CPQ: variants seen among roughly 807,000 people sequenced by gnomAD.
CPQ encodes Ser-Met dipeptidase.
Under a neutral mutation model 45.7 loss-of-function variants are expected in CPQ, and 37 were observed. The observed-to-expected ratio is 0.81, with a 90% confidence interval of 0.62 to 1.07. The LOEUF is 1.07. Ranked by LOEUF, CPQ falls within the 50% of genes least tolerant of loss-of-function variation. The pLI, the probability that CPQ is intolerant of heterozygous loss-of-function variation, is 0.00. For synonymous variants in CPQ, 186 were observed against 205.8 expected, an observed-to-expected ratio of 0.90 and a Z score of 0.82; for missense variants, 537 against 572.9, an observed-to-expected ratio of 0.94 and a Z score of 0.64.
At chr8:97,127,424 G>C (rs955980670) in intron 7 of CPQ, among the ~76,000 whole-genome samples, 1 of 152,162 alleles carries the variant, frequency 6.6e-6, no homozygotes, top group African/African-American at 2.4e-5. Flanking sequence ...TTAAGGCTAG[G>C]TGTGGTGGCT....
At chr8:96,700,840 C>A (rs2130745439) in intron 1 of CPQ, among the ~76,000 whole-genome samples, 1 of 152,252 alleles carries the variant, frequency 6.6e-6, no homozygotes, top group East Asian at 1.9e-4. Context: ...CCTGTCTGCT[C>A]CAGGCCTGAC....
chr8:96,791,298 G>A (rs1283842721), intron 2 of CPQ, among the ~76,000 whole-genome samples: 1 of 152,060 alleles, frequency 6.6e-6, no homozygotes, highest in Non-Finnish European at 1.5e-5. Flanking sequence ...ACTATTTTTA[G>A]CCATCTAGCT....
At chr8:96,942,760 A>G (rs1443704981) in intron 4 of CPQ, among the ~76,000 whole-genome samples, 2 of 152,192 alleles carry the variant, frequency 1.3e-5, no homozygotes, top group African/African-American at 4.8e-5. Context: ...CTGATTCACT[A>G]GATCTGGGGC....
chr8:96,867,927 G>A (rs1812016563), intron 3 of CPQ, among the ~76,000 whole-genome samples: 3 of 151,970 alleles, frequency 2.0e-5, no homozygotes, highest in Non-Finnish European at 4.4e-5. Context: ...GTAATCATTA[G>A]CACTGGTTTC....
At chr8:96,765,588 A>G (rs1241233210) in intron 1 of CPQ, among the ~76,000 whole-genome samples, 1 of 152,152 alleles carries the variant, frequency 6.6e-6, no homozygotes, top group Non-Finnish European at 1.5e-5. Context: ...GATGCTGTAA[A>G]GTTCTTGCAT....
intron 7 of CPQ, among the ~76,000 whole-genome samples, chr8:97,123,192 A>AAT (rs1368641373): frequency 5.5e-5 from 7 of 127,942 alleles, no homozygotes; most frequent in African/African-American, 1.1e-4. Context: ...AATAAAATAA[A>AAT]ATAAAATAAA....
chr8:96,696,813 T>C (rs1809390832), intron 1 of CPQ, among the ~76,000 whole-genome samples: 1 of 152,072 alleles, frequency 6.6e-6, no homozygotes, highest in Non-Finnish European at 1.5e-5. Flanking sequence ...AAGATTGAAC[T>C]ATGGAGGAAT....
chr8:96,951,945 T>C (rs962363016), intron 4 of CPQ, among the ~76,000 whole-genome samples: 6 of 152,052 alleles, frequency 3.9e-5, no homozygotes, highest in Non-Finnish European at 8.8e-5. Context: ...GTGCCCGGAA[T>C]ATGATCATGA....
chr8:97,113,558 G>A (rs1811534685), intron 7 of CPQ, among the ~76,000 whole-genome samples: 1 of 152,198 alleles, frequency 6.6e-6, no homozygotes, highest in African/African-American at 2.4e-5. Flanking sequence ...TCAGTTCCAT[G>A]TGGTGGAGGC....
At chr8:96,817,989 G>C (rs1811251845) in intron 2 of CPQ, among the ~76,000 whole-genome samples, 1 of 152,010 alleles carries the variant, frequency 6.6e-6, no homozygotes, top group South Asian at 2.1e-4. Flanking sequence ...AAGAGGCCTA[G>C]CTTTTGCCCT....
chr8:96,894,960 C>G (rs549396052), intron 4 of CPQ, among the ~76,000 whole-genome samples: 1 of 152,178 alleles, frequency 6.6e-6, no homozygotes, highest in Non-Finnish European at 1.5e-5. Flanking sequence ...TGCTAACCAA[C>G]TGAATTTTTA....
chr8:97,082,178 TTCTC>T (rs1810961307), intron 7 of CPQ, among the ~76,000 whole-genome samples: 1 of 152,102 alleles, frequency 6.6e-6, no homozygotes, highest in African/African-American at 2.4e-5. Flanking sequence ...AGGACACATA[TTCTC>T]TCTCTCTTTC....
At chr8:96,759,278 T>C (rs1810367548) in intron 1 of CPQ, among the ~76,000 whole-genome samples, 1 of 152,132 alleles carries the variant, frequency 6.6e-6, no homozygotes, top group Non-Finnish European at 1.5e-5. Context: ...TTCTTTCCCT[T>C]TCCCCCAAAC....
chr8:96,832,118 G>A (rs1189579474), intron 2 of CPQ, among the ~76,000 whole-genome samples: 1 of 151,998 alleles, frequency 6.6e-6, no homozygotes, highest in South Asian at 2.1e-4. Flanking sequence ...TTGATTTGTT[G>A]TTTCTCATAG....
intron 3 of CPQ, among the ~76,000 whole-genome samples, chr8:96,854,557 A>AAAAAAAAAAAAAAAAAACAC (rs1554573253): frequency 6.5e-5 from 5 of 76,888 alleles, no homozygotes; most frequent in African/African-American, 2.5e-4. Context: ...AAAAAAAAAA[A>AAAAAAAAAAAAAAAAAACAC]AATGTGGTGG....
chr8:96,679,882 C>T (rs1162498280), intron 1 of CPQ, among the ~76,000 whole-genome samples: 5 of 151,666 alleles, frequency 3.3e-5, no homozygotes, highest in Non-Finnish European at 5.9e-5. Flanking sequence ...TTCATTTCAT[C>T]GATCCTTTGT....
At chr8:96,776,741 CT>C (rs558518699) in intron 1 of CPQ, among the ~76,000 whole-genome samples, 82 of 152,134 alleles carry the variant, frequency 5.4e-4, no homozygotes, top group African/African-American at 1.9e-3. Flanking sequence ...AATTTTATCT[CT>C]TTTTTTGTGA....
intron 4 of CPQ, among the ~76,000 whole-genome samples, chr8:96,932,921 A>G (rs867354060): frequency 3.3e-5 from 5 of 152,202 alleles, no homozygotes; most frequent in East Asian, 1.9e-4. Context: ...ATTCCAATGC[A>G]TATAATAAGG....
intron 1 of CPQ, among the ~76,000 whole-genome samples, chr8:96,750,128 A>G (rs912299484): frequency 6.6e-6 from 1 of 151,812 alleles, no homozygotes; most frequent in East Asian, 1.9e-4. Context: ...AGATATATAC[A>G]TGTATATATA....
Sources: gnomAD v4.1 joint callset for allele counts (sites outside exome capture counted in the v4.1 genomes callset) on GRCh38, gnomAD v4.1.1 for gene constraint, MANE v1.5 for transcripts, NCBI Gene and HGNC (gene_info 2026-07-23, HGNC 2026-07-21) for gene names.